The following ATP7B variants were observed in gnomAD, a reference collection of about 807,000 sequenced individuals.
ATP7B encodes copper-transporting ATPase 2.
A neutral mutation model predicts 118.9 loss-of-function variants in ATP7B; 113 were observed. The observed-to-expected ratio is 0.95, with a 90% CI of 0.82 to 1.11. The LOEUF (loss-of-function observed/expected upper bound fraction) is 1.11. Ranked by LOEUF, ATP7B falls within the 50% of genes most tolerant of loss-of-function variation. The pLI is 0.00. For missense variants in ATP7B, 1,867 were observed against 1,871.4 expected (o/e 1.00, Z 0.04); for synonymous variants, 777 against 727.4 (o/e 1.07, Z -1.10).
At chr13:52,011,918 C>T, upstream of ATP7B, 1 of 268,374 alleles carries the variant, frequency 3.7e-6, no homozygotes, top group South Asian at 3.8e-5. Flanking sequence ...GGCGGCGCCG[C>T]GTCGGGTCCG....
At chr13:51,975,413 A>T (rs1474804328) in intron 1 of ATP7B, 3 of 671,128 alleles carry the variant, frequency 4.5e-6, no homozygotes, top group Non-Finnish European at 8.3e-6. Context: ...GTTCTCACAC[A>T]ACAGACGTGG....
intron 1 of ATP7B, among the ~76,000 whole-genome samples, chr13:52,004,092 T>C (rs1370038638): frequency 1.3e-5 from 2 of 151,942 alleles, no homozygotes; most frequent in African/African-American, 4.8e-5. Flanking sequence ...ACCCCGTCTC[T>C]ACTAAAAAAA....
intron 9 of ATP7B, among the ~76,000 whole-genome samples, chr13:51,953,866 A>AAAAAAAAAAAAAAAC (rs1434751050): frequency 1.3e-5 from 2 of 151,438 alleles, no homozygotes; most frequent in Non-Finnish European, 2.9e-5. Context: ...AAAAAAAAAA[A>AAAAAAAAAAAAAAAC]AACCAGAAAA....
intron 3 of ATP7B, among the ~76,000 whole-genome samples, chr13:51,970,140 C>T (rs570249411): frequency 2.0e-5 from 3 of 152,192 alleles, no homozygotes; most frequent in South Asian, 4.1e-4. Flanking sequence ...ATACAAAATG[C>T]AGGTTATTTA....
rs74085867 is a variant in ATP7B at position 51,935,853 on chromosome 13, C to G, written c.4022-158G>C. Reference sequence around the variant, plus strand: ...CAATGGATCTTGCCCACAGGCCCCCCCCAAAGTGAGGCTTCCTAGAAAGCT... The same window carrying G: ...CAATGGATCTTGCCCACAGGCCCCCGCCAAAGTGAGGCTTCCTAGAAAGCT... On this transcript the variant is annotated intron_variant, in intron 19 of 20. Transcript: ENST00000242839. 0.019 allele frequency among the ~76,000 whole-genome samples: 2,873 copies of G among 152,304 alleles called. 103 individuals are homozygous for G. Among genetic ancestry groups the G allele is most frequent in the African/African-American group, 0.065 (2,720 of 41,558 alleles).
intron 1 of ATP7B, 138 bp downstream of exon 1, chr13:52,011,149 C>T: frequency 7.6e-7 from 1 of 1,312,616 alleles, no homozygotes; most frequent in Non-Finnish European, 1.1e-6. Flanking sequence ...TTCTCCCACG[C>T]CAAGACATCC....
At chr13:51,944,355 C>A in intron 13 of ATP7B, 64 bp from the exon 14 acceptor site, 1 of 1,597,030 alleles carries the variant, frequency 6.3e-7, no homozygotes, top group Admixed American at 1.7e-5. Flanking sequence ...TAGTCACACT[C>A]CTGAGGCAGA....
chr13:51,974,958 T>C lies in ATP7B; in HGVS notation c.262A>G (p.Ser88Gly), dbSNP rs755634625. 6 of 1,614,242 alleles carry C rather than the reference T, an allele frequency of 3.7e-6. No homozygotes were observed. The highest frequency in any genetic ancestry group is 5.1e-6 in the Non-Finnish European group (6 of 1,180,040). Residue 88 changes from serine to glycine, a missense_variant, in exon 2 of 21, where the codon AGC (serine) becomes GGC (glycine). Transcript: ENST00000242839. ...CCTTGTTCCAGGGAAACCTTCATGC[T>C]GATGATGCCTTTCAAATTGGAAATC... Reference protein sequence around the residue: ...DRISNLKGIISMKVSLEQGSA... With the variant: ...DRISNLKGIIGMKVSLEQGSA...
intron 17 of ATP7B, among the ~76,000 whole-genome samples, chr13:51,937,971 G>A (rs1323219785): frequency 3.3e-5 from 5 of 152,152 alleles, no homozygotes; most frequent in African/African-American, 7.2e-5. Flanking sequence ...TGCCCCCATG[G>A]TCTTTCCAAA....
At chr13:51,939,272 A>C in intron 16 of ATP7B, 79 bp from the exon 17 acceptor site, 558 of 1,578,748 alleles carry the variant, frequency 3.5e-4, no homozygotes, top group Non-Finnish European at 4.3e-4. Flanking sequence ...CAATGTTCTC[A>C]TCATATAATA....
intron 1 of ATP7B, among the ~76,000 whole-genome samples, chr13:51,983,549 T>C (rs888123409): frequency 6.6e-5 from 10 of 152,132 alleles, no homozygotes; most frequent in Admixed American, 6.5e-4. Context: ...CCTAGCACAG[T>C]GCTCGAGCTC....
At position 52,000,337 on chromosome 13, in the gene ATP7B, A is replaced by G. The variant is rs151256774; in HGVS notation, c.51+10950T>C. ...TGCTGCTGCATCCTCAAATGGCAGA[A>G]GAGCAAAGTGGCTCCCTCAAGCCTC... On this transcript the variant is annotated intron_variant, in intron 1 of 20. Coordinates refer to ENST00000242839, the MANE Select transcript of ATP7B (RefSeq NM_000053.4). 1.8e-4 allele frequency among the ~76,000 whole-genome samples: 28 copies of G among 152,326 alleles called. No individual in the cohort carries two copies. In the East Asian group the frequency reaches 5.4e-3, roughly 29 times the overall value.
chr13:51,937,247 C>A, intron 19 of ATP7B, 29 bp downstream of exon 19: 1 of 1,601,722 alleles, frequency 6.2e-7, no homozygotes, highest in Non-Finnish European at 8.6e-7. Flanking sequence ...CTGGGCGCAG[C>A]TGGAGCACAG....
chr13:51,982,868 G>A (rs1247091927), intron 1 of ATP7B, among the ~76,000 whole-genome samples: 1 of 152,188 alleles, frequency 6.6e-6, no homozygotes, highest in Admixed American at 6.5e-5. Flanking sequence ...CATGAGGAAT[G>A]GTGCACTCTG....
At chr13:51,978,780 A>G (rs938092033) in intron 1 of ATP7B, 2 of 152,240 alleles carry the variant, frequency 1.3e-5, no homozygotes, top group East Asian at 3.8e-4. Context: ...CTGTTGCTAC[A>G]TGACAAACCA....
chr13:51,999,532 A>G (rs1953385886), intron 1 of ATP7B, among the ~76,000 whole-genome samples: 1 of 152,222 alleles, frequency 6.6e-6, no homozygotes, highest in Admixed American at 6.5e-5. Flanking sequence ...AAGAGATGGG[A>G]TGGCCAAAAA....
chr13:51,950,947 A>T (rs1320333139), intron 9 of ATP7B, among the ~76,000 whole-genome samples: 3 of 152,138 alleles, frequency 2.0e-5, no homozygotes, highest in Non-Finnish European at 4.4e-5. Flanking sequence ...AGTGACGTGC[A>T]AGTTGAGGTC....
At chr13:51,945,222 C>A (rs1219111628) in intron 13 of ATP7B, among the ~76,000 whole-genome samples, 1 of 152,182 alleles carries the variant, frequency 6.6e-6, no homozygotes, top group Non-Finnish European at 1.5e-5. Flanking sequence ...TACGTGGCTT[C>A]TAGGCTAACG....
intron 1 of ATP7B, among the ~76,000 whole-genome samples, chr13:51,991,093 A>G (rs1299476845): frequency 6.6e-6 from 1 of 151,952 alleles, no homozygotes; most frequent in African/African-American, 2.4e-5. Context: ...TCTCATATTT[A>G]AAGAAAAAAA....
Sources: allele counts gnomAD v4.1 joint callset (sites outside exome capture counted in the v4.1 genomes callset), GRCh38; gene constraint gnomAD v4.1.1; transcripts MANE v1.5; gene names NCBI Gene and HGNC (gene_info 2026-07-23, HGNC 2026-07-21).